Variants in ARL15 observed in about 807,000 individuals in gnomAD.
The protein encoded by ARL15 is ARF like GTPase 15.
In ARL15, 19 loss-of-function variants were observed where a neutral mutation model predicts 25.2. The observed-to-expected ratio is 0.75, with a 90% CI of 0.53 to 1.10. The LOEUF (loss-of-function observed/expected upper bound fraction) is 1.10. ARL15 is among the 50% of genes least tolerant of loss of function. ARL15 has a pLI of 0.00. For missense variants in ARL15, 220 were observed against 246.0 expected, an observed-to-expected ratio of 0.89 and a Z score of 0.71; for synonymous variants, 94 against 86.8, an observed-to-expected ratio of 1.08 and a Z score of -0.46.
chr5:54,224,830 G>T (rs1334407435), intron 1 of ARL15, among the ~76,000 whole-genome samples: 1 of 152,172 alleles, frequency 6.6e-6, no homozygotes, highest in African/African-American at 2.4e-5. Context: ...AAAGACTGAA[G>T]CCATAGGAAC....
At chr5:53,888,489 G>GA (rs1744610282) in intron 4 of ARL15, among the ~76,000 whole-genome samples, 1 of 152,058 alleles carries the variant, frequency 6.6e-6, no homozygotes, top group Admixed American at 6.6e-5. Context: ...TAACCATGTT[G>GA]CCTAGGGTGG....
At chr5:54,050,336 T>C (rs1750666370) in intron 4 of ARL15, among the ~76,000 whole-genome samples, 2 of 152,232 alleles carry the variant, frequency 1.3e-5, no homozygotes, top group South Asian at 4.1e-4. Flanking sequence ...TTCTTGTTGC[T>C]GCTGAGCCAA....
intron 4 of ARL15, among the ~76,000 whole-genome samples, chr5:54,015,237 A>G (rs1040993769): frequency 4.0e-5 from 6 of 151,888 alleles, no homozygotes; most frequent in Non-Finnish European, 8.8e-5. Context: ...AGTTGCGGTG[A>G]GCCAAGATCG....
rs138078702 is a variant in ARL15 at position 54,301,441 on chromosome 5, G to C, written c.48+8991C>G. ...CGGGATAGTGGTCACCACTGAGAAG[G>C]GTGGAGGAGGAAGCGTGCAGGGAAC... On this transcript the variant is annotated intron_variant, in intron 1 of 4. Transcript: ENST00000504924. Among the ~76,000 whole-genome samples the C allele has an allele frequency of 3.9e-3, 588 of 152,180 alleles. 4 individuals are homozygous for C. The highest frequency in any genetic ancestry group is 0.013 in the African/African-American group (547 of 41,504).
intron 2 of ARL15, among the ~76,000 whole-genome samples, chr5:54,169,958 C>T (rs1277258387): frequency 6.6e-6 from 1 of 152,150 alleles, no homozygotes; most frequent in African/African-American, 2.4e-5. Context: ...TTAACAGCTC[C>T]ACAGTTTCTT....
At chr5:54,026,246 C>A (rs2111865985) in intron 4 of ARL15, among the ~76,000 whole-genome samples, 1 of 152,138 alleles carries the variant, frequency 6.6e-6, no homozygotes, top group East Asian at 1.9e-4. Context: ...TGTCACATAC[C>A]AAAATTATAG....
At chr5:53,997,106 C>T (rs1689090066) in intron 4 of ARL15, among the ~76,000 whole-genome samples, 1 of 152,126 alleles carries the variant, frequency 6.6e-6, no homozygotes, top group Admixed American at 6.6e-5. Context: ...TGCTGAAATG[C>T]AATTCGTTTG....
chr5:54,284,268 A>T (rs1758133205), intron 1 of ARL15, among the ~76,000 whole-genome samples: 1 of 152,102 alleles, frequency 6.6e-6, no homozygotes, highest in African/African-American at 2.4e-5. Context: ...CATGCCCAGC[A>T]AATATTTTAA....
At chr5:53,890,441 T>A (rs949454868) in intron 4 of ARL15, among the ~76,000 whole-genome samples, 1 of 152,222 alleles carries the variant, frequency 6.6e-6, no homozygotes, top group African/African-American at 2.4e-5. Flanking sequence ...AACATGAACC[T>A]AAATCTTTTG....
intron 4 of ARL15, among the ~76,000 whole-genome samples, chr5:54,071,865 C>T (rs1253384218): frequency 2.6e-5 from 4 of 150,990 alleles, no homozygotes; most frequent in African/African-American, 4.9e-5. Flanking sequence ...CCCAGCTACT[C>T]GGAAGGCTGA....
intron 4 of ARL15, among the ~76,000 whole-genome samples, chr5:54,079,753 A>G (rs924530635): frequency 6.6e-6 from 1 of 152,012 alleles, no homozygotes; most frequent in Non-Finnish European, 1.5e-5. Flanking sequence ...GCAAATCACC[A>G]GCGGTCAGGA....
chr5:54,299,823 G>A (rs1027596166), intron 1 of ARL15, among the ~76,000 whole-genome samples: 1 of 151,930 alleles, frequency 6.6e-6, no homozygotes, highest in Non-Finnish European at 1.5e-5. Flanking sequence ...TCCTGATCTC[G>A]GGATACATAC....
At chr5:54,087,637 C>T (rs537684895) in intron 4 of ARL15, among the ~76,000 whole-genome samples, 1 of 152,282 alleles carries the variant, frequency 6.6e-6, no homozygotes, top group South Asian at 2.1e-4. Flanking sequence ...AAAATATAAA[C>T]ATGTGACTCG....
chr5:53,949,185 G>C (rs969249614), intron 4 of ARL15, among the ~76,000 whole-genome samples: 2 of 152,108 alleles, frequency 1.3e-5, no homozygotes, highest in African/African-American at 4.8e-5. Flanking sequence ...ATTCCCATTG[G>C]ATATGGTATT....
intron 1 of ARL15, among the ~76,000 whole-genome samples, chr5:54,309,598 C>G (rs142780612): frequency 2.9e-4 from 44 of 152,358 alleles, no homozygotes; most frequent in Middle Eastern, 6.8e-3. Flanking sequence ...GGATCGAACA[C>G]AAGTCTCTGT....
At chr5:54,221,762 C>T (rs757498035) in intron 1 of ARL15, among the ~76,000 whole-genome samples, 6 of 150,890 alleles carry the variant, frequency 4.0e-5, no homozygotes, top group Non-Finnish European at 7.4e-5. Context: ...AAGCTTACAA[C>T]AGGACCAAAA....
At chr5:53,956,741 A>T (rs1316970531) in intron 4 of ARL15, among the ~76,000 whole-genome samples, 1 of 152,076 alleles carries the variant, frequency 6.6e-6, no homozygotes, top group African/African-American at 2.4e-5. Flanking sequence ...GAGACCATCA[A>T]TAAAGAGATA....
intron 3 of ARL15, among the ~76,000 whole-genome samples, chr5:54,125,453 C>T (rs547503517): frequency 4.0e-4 from 61 of 152,214 alleles, no homozygotes; most frequent in African/African-American, 8.9e-4. Flanking sequence ...CTCAGTCTAA[C>T]GCTGCCCCCA....
intron 1 of ARL15, among the ~76,000 whole-genome samples, chr5:54,260,610 A>G (rs1202989890): frequency 6.6e-6 from 1 of 152,220 alleles, no homozygotes; most frequent in East Asian, 1.9e-4. Context: ...ACAAAGAAAT[A>G]AAAGTCCTAC....
Sources: allele counts gnomAD v4.1 joint callset (sites outside exome capture counted in the v4.1 genomes callset), GRCh38; gene constraint gnomAD v4.1.1; transcripts MANE v1.5; gene names NCBI Gene and HGNC (gene_info 2026-07-23, HGNC 2026-07-21).